The following PRRX2 variants were observed in gnomAD, a reference collection of about 807,000 sequenced individuals.
PRRX2 encodes paired related homeobox 2.
PRRX2 carries 11 observed loss-of-function variants against 18.0 expected under a neutral mutation model. That is an observed-to-expected ratio of 0.61 (90% CI 0.39 to 1.01). The LOEUF is 1.01. PRRX2 is among the 50% of genes least tolerant of loss of function. The pLI is 0.01. For missense variants in PRRX2, 387 were observed against 351.0 expected (o/e 1.10, Z -0.82); for synonymous variants, 177 against 154.8 (o/e 1.14, Z -1.06).
At position 129,666,125 on chromosome 9, in the gene PRRX2, T is replaced by G. The variant is rs1832017503; in HGVS notation, c.258T>G (p.Asp86Glu). The change falls in exon 1 of 4, where the codon GAT becomes GAG. Residue 86 changes from aspartate (D) to glutamate (E), a missense_variant and splice_region_variant. Transcript: ENST00000372469. The stretch of plus-strand genomic sequence containing the variant: ...GCGGCAGCGAGGCGGCGCCGCAGGA[T>G]GGTGAGTACGGCCGGCCAGGGACGG... ...GSSGSEAAPQ[D>E]GECPSPGRGS... The G allele has an allele frequency of 1.0e-6, 1 of 995,988 alleles. No homozygotes were observed. The highest frequency in any genetic ancestry group is 6.3e-5 in the Admixed American group (1 of 15,850). 61.7% of individuals were successfully genotyped at this position (995,988 alleles called of 1,614,324 possible). A position where few individuals can be genotyped will look rare whatever the true frequency, so the allele number is the denominator to read the frequency against.
At chr9:129,688,667 C>T (rs1832322656) in intron 1 of PRRX2, among the ~76,000 whole-genome samples, 1 of 152,200 alleles carries the variant, frequency 6.6e-6, no homozygotes, top group South Asian at 2.1e-4. Flanking sequence ...GCATGGGCCC[C>T]AAAGAGACAC....
At chr9:129,685,778 T>G (rs1414502648) in intron 1 of PRRX2, among the ~76,000 whole-genome samples, 1 of 152,206 alleles carries the variant, frequency 6.6e-6, no homozygotes, top group Non-Finnish European at 1.5e-5. Context: ...TGTGAGTCAT[T>G]CATTCATTCA....
chr9:129,705,876 G>A (rs543924429), intron 1 of PRRX2, among the ~76,000 whole-genome samples: 6 of 151,294 alleles, frequency 4.0e-5, no homozygotes, highest in Non-Finnish European at 7.4e-5. Context: ...AGGAGTTCAA[G>A]AGCCACTCCT....
intron 1 of PRRX2, among the ~76,000 whole-genome samples, chr9:129,668,275 T>A (rs1280879495): frequency 1.3e-5 from 2 of 152,194 alleles, no homozygotes; most frequent in Non-Finnish European, 2.9e-5. Flanking sequence ...ATGGGATCCT[T>A]CTTTCCCCAT....
intron 1 of PRRX2, among the ~76,000 whole-genome samples, chr9:129,684,524 C>CACACACACACACACACACACA (rs1564147490): frequency 1.1e-3 from 50 of 45,078 alleles, no homozygotes; most frequent in African/African-American, 1.8e-3. Context: ...ACACACACAC[C>CACACACACACACACACACACA]CACACACACC....
At chr9:129,705,108 C>A (rs1194930468) in intron 1 of PRRX2, among the ~76,000 whole-genome samples, 1 of 152,190 alleles carries the variant, frequency 6.6e-6, no homozygotes, top group Non-Finnish European at 1.5e-5. Context: ...GAGGGCTGCT[C>A]CCCTTCCTCC....
At chr9:129,704,464 A>G (rs1310551107) in intron 1 of PRRX2, among the ~76,000 whole-genome samples, 1 of 152,138 alleles carries the variant, frequency 6.6e-6, no homozygotes, top group African/African-American at 2.4e-5. Flanking sequence ...GGCGTTTGCT[A>G]TCTGGGTGGG....
intron 1 of PRRX2, among the ~76,000 whole-genome samples, chr9:129,691,852 A>C (rs1220337778): frequency 6.6e-6 from 1 of 151,408 alleles, no homozygotes; most frequent in Admixed American, 6.6e-5. Flanking sequence ...CTAATTAAAA[A>C]AATTTTTTTT....
Position 129,675,427 on chromosome 9 carries a change from A to C in PRRX2, c.259+9301A>C, listed in dbSNP as rs910691074. On this transcript the variant is annotated intron_variant, in intron 1 of 3. Coordinates refer to ENST00000372469, the MANE Select transcript of PRRX2 (RefSeq NM_016307.4). The surrounding 1 kb of genome is among the most constrained non-coding windows in gnomAD (Gnocchi z 4.4). ...TGGCCAGGGTTGGGGTGTAGGAGGC[A>C]GTCAAAAGCACCCCTGCTGAGCTGG... 6.6e-6 allele frequency among the ~76,000 whole-genome samples: 1 copy of C among 152,080 alleles called. No homozygotes were observed. Among genetic ancestry groups the C allele is most frequent in the African/African-American group, 2.4e-5 (1 of 41,406 alleles).
At chr9:129,702,155 T>C (rs1289134363) in intron 1 of PRRX2, among the ~76,000 whole-genome samples, 1 of 151,504 alleles carries the variant, frequency 6.6e-6, no homozygotes, top group Non-Finnish European at 1.5e-5. Context: ...CCCAGCACTT[T>C]GGGAGGCTGA....
At chr9:129,711,482 T>G (rs1832619580) in intron 1 of PRRX2, among the ~76,000 whole-genome samples, 1 of 143,558 alleles carries the variant, frequency 7.0e-6, no homozygotes, top group Non-Finnish European at 1.5e-5. Flanking sequence ...CTCGGCTCAC[T>G]GCAACCTCCA....
At chr9:129,685,638 C>T (rs538031056) in intron 1 of PRRX2, among the ~76,000 whole-genome samples, 27 of 152,312 alleles carry the variant, frequency 1.8e-4, no homozygotes, top group African/African-American at 5.5e-4. Flanking sequence ...CCACTGCGCC[C>T]GGCCAGTTTC....
intron 1 of PRRX2, among the ~76,000 whole-genome samples, chr9:129,687,691 C>G (rs901028038): frequency 1.3e-5 from 2 of 152,196 alleles, no homozygotes; most frequent in Admixed American, 6.5e-5. Context: ...ATTCTAGCAG[C>G]CTGGTTGGTG....
chr9:129,667,072 A>T (rs375985974), intron 1 of PRRX2, among the ~76,000 whole-genome samples: 1 of 151,948 alleles, frequency 6.6e-6, no homozygotes, highest in African/African-American at 2.4e-5. Context: ...CAGGAGGTGC[A>T]GGGAAAACAG....
chr9:129,697,044 G>A (rs1451320148), intron 1 of PRRX2, among the ~76,000 whole-genome samples: 1 of 152,262 alleles, frequency 6.6e-6, no homozygotes, highest in Non-Finnish European at 1.5e-5. Flanking sequence ...AGCAGTACCT[G>A]CCTCATAGGG....
At chr9:129,722,088 C>A in intron 3 of PRRX2, 129 bp from the exon 4 acceptor site, 7 of 1,331,954 alleles carry the variant, frequency 5.3e-6, no homozygotes, top group Non-Finnish European at 7.2e-6. Flanking sequence ...AAATCACCCC[C>A]AGTCCTGGGT....
chr9:129,689,862 C>T (rs138113630), intron 1 of PRRX2, among the ~76,000 whole-genome samples: 16 of 152,032 alleles, frequency 1.1e-4, no homozygotes, highest in African/African-American at 3.9e-4. Context: ...AAGCGATTCT[C>T]CTGCTTCAGC....
chr9:129,707,746 G>A (rs1376962721), intron 1 of PRRX2, among the ~76,000 whole-genome samples: 3 of 150,616 alleles, frequency 2.0e-5, no homozygotes, highest in African/African-American at 7.4e-5. Flanking sequence ...AGCCGAGATC[G>A]TGCCACTGCA....
chr9:129,673,278 GC>G (rs1264024958), intron 1 of PRRX2, among the ~76,000 whole-genome samples: 1 of 152,066 alleles, frequency 6.6e-6, no homozygotes, highest in Non-Finnish European at 1.5e-5. Context: ...GCAAGACCTT[GC>G]CTCTACAAAC....
Sources: gnomAD v4.1 joint callset for allele counts (sites outside exome capture counted in the v4.1 genomes callset) on GRCh38, gnomAD v4.1.1 for gene constraint, Gnocchi (gnomAD v3.1) non-coding constraint, MANE v1.5 for transcripts, NCBI Gene and HGNC (gene_info 2026-07-23, HGNC 2026-07-21) for gene names.